Variants in RHBDL2 observed in about 807,000 individuals in gnomAD.
The protein encoded by RHBDL2 is rhomboid like 2.
Under a neutral mutation model 31.7 loss-of-function variants are expected in RHBDL2, and 26 were observed. The ratio of observed to expected loss-of-function variants is 0.82; its 90% CI spans 0.60 to 1.14. RHBDL2 has a LOEUF of 1.14. Ranked by LOEUF, RHBDL2 falls within the 50% of genes most tolerant of loss-of-function variation. The pLI is 0.00. For missense variants in RHBDL2, 336 were observed against 364.4 expected, an observed-to-expected ratio of 0.92 and a Z score of 0.63; for synonymous variants, 123 against 127.2, an observed-to-expected ratio of 0.97 and a Z score of 0.22.
chr1:38,913,353 C>T (rs1336345729), intron 3 of RHBDL2, among the ~76,000 whole-genome samples: 1 of 151,910 alleles, frequency 6.6e-6, no homozygotes, highest in African/African-American at 2.4e-5. Context: ...TCTTAAAGTC[C>T]TTGTGTGCGG....
intron 3 of RHBDL2, among the ~76,000 whole-genome samples, chr1:38,912,908 A>ATG (rs1275947345): frequency 6.8e-4 from 24 of 35,318 alleles, no homozygotes; most frequent in South Asian, 1.9e-3. Context: ...ATATATATAT[A>ATG]TATGTGTGTG....
chr1:38,904,100 G>C (rs1643029625), intron 4 of RHBDL2, among the ~76,000 whole-genome samples: 1 of 152,150 alleles, frequency 6.6e-6, no homozygotes. Context: ...TAAATGGAAA[G>C]CCTAAAATAA....
intron 4 of RHBDL2, among the ~76,000 whole-genome samples, chr1:38,901,188 T>C (rs1409563942): frequency 6.6e-6 from 1 of 150,776 alleles, no homozygotes; most frequent in Non-Finnish European, 1.5e-5. Flanking sequence ...TATGGTCGGC[T>C]GCAGTGGCTC....
At chr1:38,938,458 C>T (rs907538822) in intron 1 of RHBDL2, among the ~76,000 whole-genome samples, 1 of 152,026 alleles carries the variant, frequency 6.6e-6, no homozygotes, top group Non-Finnish European at 1.5e-5. Context: ...TATGCCCCAG[C>T]CACACTGAGC....
At chr1:38,888,161 G>A in intron 6 of RHBDL2, 137 bp from the exon 7 acceptor site, 1 of 600,066 alleles carries the variant, frequency 1.7e-6, no homozygotes, top group South Asian at 2.3e-5. Flanking sequence ...TTTTCTAAGA[G>A]ATCTTTTAAC....
At chr1:38,934,437 G>A (rs9438917) in intron 1 of RHBDL2, among the ~76,000 whole-genome samples, 87,779 of 151,036 alleles carry the variant, frequency 0.58, 26,332 homozygotes, top group Middle Eastern at 0.68. Context: ...CCAGAAGATC[G>A]TGAGGTCAGG....
intron 4 of RHBDL2, among the ~76,000 whole-genome samples, chr1:38,904,034 A>G (rs1363629158): frequency 6.6e-6 from 1 of 152,248 alleles, no homozygotes; most frequent in Non-Finnish European, 1.5e-5. Flanking sequence ...AGACATCCAT[A>G]TGCAAAAAAA....
chr1:38,893,811 C>T (rs1490650320), intron 5 of RHBDL2, among the ~76,000 whole-genome samples: 2 of 152,166 alleles, frequency 1.3e-5, no homozygotes, highest in East Asian at 3.9e-4. Context: ...CAATCTATAG[C>T]TCACTGCAGC....
chr1:38,931,835 A>G (rs1447436827), intron 1 of RHBDL2, among the ~76,000 whole-genome samples: 1 of 152,244 alleles, frequency 6.6e-6, no homozygotes, highest in South Asian at 2.1e-4. Context: ...CAGCACCATC[A>G]GCATGGTTAG....
chr1:38,924,121 T>C (rs1643346061), intron 1 of RHBDL2, among the ~76,000 whole-genome samples: 1 of 152,124 alleles, frequency 6.6e-6, no homozygotes, highest in South Asian at 2.1e-4. Flanking sequence ...ATTATTATTA[T>C]TATTTTGAAA....
At chr1:38,928,605 C>A (rs1371613456) in intron 1 of RHBDL2, among the ~76,000 whole-genome samples, 1 of 151,960 alleles carries the variant, frequency 6.6e-6, no homozygotes, top group Non-Finnish European at 1.5e-5. Flanking sequence ...CGCCACCACG[C>A]CTGGCTAATT....
At chr1:38,914,756 A>G (rs1643206811) in intron 3 of RHBDL2, among the ~76,000 whole-genome samples, 1 of 151,560 alleles carries the variant, frequency 6.6e-6, no homozygotes, top group Non-Finnish European at 1.5e-5. Context: ...CCTTAAGGGC[A>G]CAGTGGCTCA....
chr1:38,902,551 CTTGGA>C (rs1469257696), intron 4 of RHBDL2, among the ~76,000 whole-genome samples: 2 of 151,820 alleles, frequency 1.3e-5, no homozygotes, highest in Non-Finnish European at 2.9e-5. Context: ...TCCTGAGTAG[CTTGGA>C]TTACAGGTGC....
intron 4 of RHBDL2, among the ~76,000 whole-genome samples, chr1:38,903,231 C>CT (rs1031349121): frequency 3.3e-5 from 5 of 152,036 alleles, no homozygotes; most frequent in Non-Finnish European, 7.4e-5. Context: ...CCTCCACCTC[C>CT]TGGGTTCAAG....
chr1:38,907,185 T>C (rs773926722), intron 4 of RHBDL2, among the ~76,000 whole-genome samples: 22 of 152,224 alleles, frequency 1.4e-4, no homozygotes, highest in Non-Finnish European at 2.9e-4. Context: ...TATTCTAGCA[T>C]AATTGGATAT....
In RHBDL2 at chr1:38,919,281, C is replaced by T; in HGVS notation, c.-69G>A. The T allele has an allele frequency of 6.2e-7, 1 of 1,611,882 alleles. No individual in the cohort carries two copies. Among genetic ancestry groups the T allele is most frequent in the Non-Finnish European group, 8.5e-7 (1 of 1,179,840 alleles). ...GGAACAGCAGGTGGCCCTAGGTCCT[C>T]AGGCTGCCGCTCTTCCCTGGGCTGT... is the stretch of plus-strand genomic sequence containing the variant. On this transcript the variant is annotated 5_prime_UTR_variant, in exon 2 of 8. Transcript: ENST00000372990.
chr1:38,938,489 A>G lies in RHBDL2; in HGVS notation c.-126+3193T>C, dbSNP rs1276497122. ...TGAGCCCCTAGCAGTTCCAGCTCCC[A>G]CTCTCCATGAGGTCTTTTCATGAGC... On this transcript the variant is annotated intron_variant, in intron 1 of 7. Transcript: ENST00000372990. Among the ~76,000 whole-genome samples, 8 of 151,562 alleles carry G rather than the reference A, an allele frequency of 5.3e-5. No individual in the cohort carries two copies. The East Asian group carries it at 1.6e-3, about 29-fold the overall frequency.
At chr1:38,891,388 C>A (rs1465745356) in intron 6 of RHBDL2, among the ~76,000 whole-genome samples, 1 of 151,772 alleles carries the variant, frequency 6.6e-6, no homozygotes, top group Non-Finnish European at 1.5e-5. Context: ...TTTTATTAAT[C>A]TGGTATGTGT....
intron 2 of RHBDL2, 56 bp from the exon 3 acceptor site, chr1:38,915,766 A>C: frequency 1.3e-6 from 2 of 1,580,084 alleles, no homozygotes; most frequent in Non-Finnish European, 1.7e-6. Flanking sequence ...GAGGGGCCCC[A>C]TCCAAGCCCG....
Sources: gnomAD v4.1 joint callset for allele counts (sites outside exome capture counted in the v4.1 genomes callset) on GRCh38, gnomAD v4.1.1 for gene constraint, MANE v1.5 for transcripts, NCBI Gene and HGNC (gene_info 2026-07-23, HGNC 2026-07-21) for gene names.